The following ANKK1 variants were observed in gnomAD, a reference collection of about 807,000 sequenced individuals.
ANKK1 encodes ankyrin repeat and kinase domain containing 1.
ANKK1 carries 37 observed loss-of-function variants against 37.6 expected under a neutral mutation model. That is an observed-to-expected ratio of 0.98 (90% CI 0.76 to 1.29). The LOEUF (loss-of-function observed/expected upper bound fraction) is 1.29. Ranked by LOEUF, ANKK1 falls within the 50% of genes most tolerant of loss-of-function variation. The probability of loss-of-function intolerance (pLI) is 0.00; values close to 1 mark genes in which losing one functional copy is unlikely to be tolerated. For missense variants in ANKK1, 1,019 were observed against 990.6 expected (o/e 1.03, Z -0.39); for synonymous variants, 415 against 418.7 (o/e 0.99, Z 0.11).
intron 6 of ANKK1, 94 bp from the exon 7 acceptor site, chr11:113,397,886 C>A: frequency 1.4e-6 from 2 of 1,382,900 alleles, no homozygotes; most frequent in African/African-American, 1.4e-5. Flanking sequence ...CTGACAGTGA[C>A]CGGGAAGGTT....
chr11:113,392,520 C>T (rs1950595847), intron 1 of ANKK1, among the ~76,000 whole-genome samples: 1 of 152,246 alleles, frequency 6.6e-6, no homozygotes, highest in Non-Finnish European at 1.5e-5. Context: ...CAGTCTCTGA[C>T]TACAGCACCA....
At position 113,399,795 on chromosome 11, in the gene ANKK1, T is replaced by A; in HGVS notation, c.1826T>A (p.Ile609Asn). The change falls in exon 8 of 8, where the codon ATC becomes AAC. Residue 609 changes from isoleucine to asparagine, a missense_variant. Transcript: ENST00000303941. ...GCCTACAAGGGCCACCTGGAGATCA[T>A]CCATCTGCTGGCAGAGAGCCACGCA... ...LAAYKGHLEI[I>N]HLLAESHANM... 6.2e-7 allele frequency: 1 copy of A among 1,603,656 alleles called. No homozygotes were observed. The highest frequency in any genetic ancestry group is 8.5e-7 in the Non-Finnish European group (1 of 1,175,392).
Position 113,399,435 on chromosome 11 carries a change from T to C in ANKK1, c.1466T>C (p.Leu489Pro). 6.3e-7 allele frequency: 1 copy of C among 1,598,590 alleles called. No homozygotes were observed. The highest frequency in any genetic ancestry group is 8.5e-7 in the Non-Finnish European group (1 of 1,173,080). ...GTCTCCCGTCAGGCTGACCCCAACCTGCATGAGGCTGAGGGCAAGACCCCC... is the reference window on the plus strand; with the variant it reads ...GTCTCCCGTCAGGCTGACCCCAACCCGCATGAGGCTGAGGGCAAGACCCCC... The part of the protein sequence containing the change: ...LLVSRQADPN[L>P]HEAEGKTPLH... Residue 489 changes from leucine (L) to proline (P), a missense_variant, in exon 8 of 8, where the codon CTG becomes CCG. By Grantham distance (98) the Leu-to-Pro change is moderately conservative. Transcript: ENST00000303941.
chr11:113,393,420 G>C, intron 1 of ANKK1, 61 bp from the exon 2 acceptor site: 1 of 1,527,074 alleles, frequency 6.5e-7, no homozygotes. Context: ...TATGTGTTCA[G>C]CTGGTTGCTG....
At chr11:113,394,081 A>C (rs1270035595) in intron 2 of ANKK1, among the ~76,000 whole-genome samples, 1 of 152,158 alleles carries the variant, frequency 6.6e-6, no homozygotes, top group Non-Finnish European at 1.5e-5. Context: ...TAAATGAGAC[A>C]ATCCCTAAGA....
chr11:113,393,633 A>G lies in ANKK1; in HGVS notation c.338A>G (p.His113Arg). The part of the protein sequence containing the change: ...NGSLEKVLST[H>R]SLCWKLRFRI... ...TCCCTGGAGAAGGTGCTGTCCACCC[A>G]CAGCCTCTGCTGGAAGCTCAGGTTC... Residue 113 changes from histidine to arginine, a missense_variant, in exon 2 of 8, where the codon CAC (histidine) becomes CGC (arginine). By Grantham distance (29) the His-to-Arg change is conservative. Transcript: ENST00000303941. 1.2e-6 allele frequency: 2 copies of G among 1,613,952 alleles called. No homozygotes were observed.
At position 113,394,951 on chromosome 11, in the gene ANKK1, A is replaced by T. The variant is rs1275743711; in HGVS notation, c.503A>T (p.Lys168Met). 2 of 1,612,002 alleles carry T rather than the reference A, an allele frequency of 1.2e-6. No individual in the cohort carries two copies. Among genetic ancestry groups the T allele is most frequent in the East Asian group, 2.2e-5 (1 of 44,828 alleles). ...HVKISDFGLS[K>M]WMEQSTRMQY... ...CAGATTTCAGACTTCGGCCTGTCCAAGTGGATGGAACAGTCCACCCGGATG... is the reference window on the plus strand; with the variant it reads ...CAGATTTCAGACTTCGGCCTGTCCATGTGGATGGAACAGTCCACCCGGATG... Residue 168 changes from lysine (K) to methionine (M), a missense_variant, in exon 3 of 8, where the codon AAG (lysine) becomes ATG (methionine). Coordinates refer to ENST00000303941, the MANE Select transcript of ANKK1 (RefSeq NM_178510.2).
chr11:113,387,804 C>G lies in ANKK1; in HGVS notation c.-81C>G. ...ATTCCCCTCTCCCGGACCCGAGGAGCAGGAAGCGGCGGCTCCTTCGGCCAC... is the reference window on the plus strand; with the variant it reads ...ATTCCCCTCTCCCGGACCCGAGGAGGAGGAAGCGGCGGCTCCTTCGGCCAC... On this transcript the variant is annotated 5_prime_UTR_variant, in exon 1 of 8. Coordinates refer to ENST00000303941, the MANE Select transcript of ANKK1 (RefSeq NM_178510.2). 1.4e-6 allele frequency: 2 copies of G among 1,402,484 alleles called. No individual in the cohort carries two copies. Among genetic ancestry groups the G allele is most frequent in the Non-Finnish European group, 1.9e-6 (2 of 1,068,074 alleles). 86.9% of individuals were successfully genotyped at this position (1,402,484 alleles called of 1,614,324 possible).
At chr11:113,388,958 G>C (rs1428340157) in intron 1 of ANKK1, among the ~76,000 whole-genome samples, 1 of 152,242 alleles carries the variant, frequency 6.6e-6, no homozygotes, top group African/African-American at 2.4e-5. Context: ...CTGGCATCTG[G>C]CTTGGATGCT....
chr11:113,394,550 C>T (rs1000957717), intron 2 of ANKK1, among the ~76,000 whole-genome samples: 3 of 152,162 alleles, frequency 2.0e-5, no homozygotes, highest in Admixed American at 6.5e-5. Context: ...TCAGGGCCCC[C>T]GGAGGTGCAA....
At position 113,393,332 on chromosome 11, in the gene ANKK1, G is replaced by A. The variant is rs964493152; in HGVS notation, c.186-149G>A. 13 of 775,966 alleles carry A rather than the reference G, an allele frequency of 1.7e-5. No individual in the cohort carries two copies. In the Admixed American group the frequency reaches 2.3e-4, roughly 14 times the overall value. The allele number at this position is 775,966 out of a possible 1,614,324, so 48.1% of individuals were successfully genotyped here. A position where few individuals can be genotyped will look rare whatever the true frequency, so the allele number is the denominator to read the frequency against. On this transcript the variant is annotated intron_variant, in intron 1 of 7. Coordinates refer to ENST00000303941, the MANE Select transcript of ANKK1 (RefSeq NM_178510.2). ...AGCGGCCTGCTAAGTATTGCTTCAT[G>A]TCTCTCTTTCCTCTTCCACTACCTT...
chr11:113,388,145 G>C, intron 1 of ANKK1, 76 bp downstream of exon 1: 1 of 1,422,060 alleles, frequency 7.0e-7, no homozygotes, highest in Non-Finnish European at 9.2e-7. Context: ...GGGAGCTTGC[G>C]AGGAAGGAGT....
rs1379624152 is a variant in ANKK1 at position 113,399,200 on chromosome 11, T to A, written c.1231T>A (p.Cys411Ser). Residue 411 changes from cysteine to serine, a missense_variant, in exon 8 of 8, where the codon TGT (cysteine) becomes AGT (serine). Physicochemically the swap from Cys to Ser is moderately radical, Grantham distance 112. Transcript: ENST00000303941. ...CGCCCAGGACCAGCAACCCGACCTC[T>A]GTGCCCTGCTTTTGGCACATGGTGC... is the stretch of plus-strand genomic sequence containing the variant. ...IAAQDQQPDL[C>S]ALLLAHGADA... The A allele has an allele frequency of 6.2e-7, 1 of 1,603,250 alleles. No individual in the cohort carries two copies. The highest frequency in any genetic ancestry group is 8.5e-7 in the Non-Finnish European group (1 of 1,175,190).
intron 1 of ANKK1, among the ~76,000 whole-genome samples, chr11:113,390,949 C>T (rs1950582843): frequency 6.6e-6 from 1 of 152,186 alleles, no homozygotes; most frequent in Non-Finnish European, 1.5e-5. Flanking sequence ...GTTGAGAAGT[C>T]TGATTTTCCA....
intron 2 of ANKK1, chr11:113,394,716 T>C (rs1372602590): frequency 1.4e-6 from 1 of 710,104 alleles, no homozygotes; most frequent in Non-Finnish European, 2.5e-6. Flanking sequence ...TCATATTACT[T>C]CTACTTTACA....
intron 7 of ANKK1, among the ~76,000 whole-genome samples, chr11:113,398,562 C>T (rs1950658502): frequency 1.3e-5 from 2 of 152,152 alleles, no homozygotes; most frequent in Admixed American, 6.5e-5. Context: ...AAAGTTTTTA[C>T]CTATATAATT....
At position 113,400,293 on chromosome 11, in the gene ANKK1, A is replaced by G. The variant is rs907681961; in HGVS notation, c.*26A>G. The G allele has an allele frequency of 5.3e-6, 8 of 1,514,106 alleles. No individual in the cohort carries two copies. The African/African-American group carries it at 1.1e-4, about 21-fold the overall frequency. The allele number at this position is 1,514,106 out of a possible 1,614,324, so 93.8% of individuals were successfully genotyped here. A position where few individuals can be genotyped will look rare whatever the true frequency, so the allele number is the denominator to read the frequency against. ...ACAACTTGGCCAGCCGTGGTGGCTC[A>G]CGTCTGTAATCCCAGCACTTTGGGA... On this transcript the variant is annotated 3_prime_UTR_variant, in exon 8 of 8. Transcript: ENST00000303941.
intron 5 of ANKK1, 94 bp from the exon 6 acceptor site, chr11:113,397,130 T>G: frequency 9.8e-7 from 1 of 1,021,432 alleles, no homozygotes; most frequent in Non-Finnish European, 1.4e-6. Flanking sequence ...GAATGGATTT[T>G]GGGAGACAGG....
chr11:113,393,978 A>G (rs1223282526), intron 2 of ANKK1, among the ~76,000 whole-genome samples: 2 of 152,208 alleles, frequency 1.3e-5, no homozygotes, highest in Non-Finnish European at 2.9e-5. Context: ...GGATGCCTAT[A>G]ATAACCCTCT....
Sources: gnomAD v4.1 joint callset for allele counts (sites outside exome capture counted in the v4.1 genomes callset) on GRCh38, gnomAD v4.1.1 for gene constraint, MANE v1.5 for transcripts, NCBI Gene and HGNC (gene_info 2026-07-23, HGNC 2026-07-21) for gene names.